ZBTB41: variants seen among roughly 807,000 people sequenced by gnomAD.
ZBTB41 encodes zinc finger and BTB domain containing 41.
A neutral mutation model predicts 87.6 loss-of-function variants in ZBTB41; 42 were observed. The observed-to-expected ratio is 0.48, with a 90% CI of 0.37 to 0.62. The LOEUF is 0.62. Among genes scored for constraint, ZBTB41 ranks in the 20% least tolerant of loss-of-function variants. The pLI is 0.00. For missense variants in ZBTB41, 799 were observed against 1,078.9 expected (o/e 0.74, Z 3.63); for synonymous variants, 364 against 364.0 (o/e 1.00, Z 0.00).
In ZBTB41 at chr1:197,200,576, C is replaced by A. The variant is rs969248569; in HGVS notation, c.-103G>T. 3.7e-5 allele frequency: 44 copies of A among 1,192,956 alleles called. No homozygotes were observed. In the East Asian group the frequency reaches 1.0e-3, roughly 28 times the overall value. The allele number at this position is 1,192,956 out of a possible 1,614,324, so 73.9% of individuals were successfully genotyped here. On this transcript the variant is annotated 5_prime_UTR_variant, in exon 2 of 11. Coordinates refer to ENST00000367405, the MANE Select transcript of ZBTB41 (RefSeq NM_194314.3). ...ATAACAGCTTCTGAAGGGGCGTGCC[C>A]AAGGGTTTCATGGTCTGCAAAAGAG...
intron 5 of ZBTB41, among the ~76,000 whole-genome samples, chr1:197,185,404 T>A (rs1455412658): frequency 2.0e-5 from 3 of 152,136 alleles, no homozygotes; most frequent in Non-Finnish European, 2.9e-5. Flanking sequence ...ACTCTCCACC[T>A]TGGCCATAAG....
At chr1:197,176,695 C>A (rs372105683) in intron 7 of ZBTB41, 25 bp from the exon 8 acceptor site, 4 of 1,500,402 alleles carry the variant, frequency 2.7e-6, no homozygotes, top group Non-Finnish European at 3.7e-6. Flanking sequence ...GAATTGAACA[C>A]CATTAAAACT....
chr1:197,167,493 C>A (rs1659377163), intron 10 of ZBTB41, among the ~76,000 whole-genome samples: 1 of 152,042 alleles, frequency 6.6e-6, no homozygotes, highest in Non-Finnish European at 1.5e-5. Context: ...GCCATCGCAC[C>A]AAGCATGAAC....
chr1:197,181,812 A>G (rs1209427205), intron 5 of ZBTB41, among the ~76,000 whole-genome samples: 4 of 152,204 alleles, frequency 2.6e-5, no homozygotes, highest in Non-Finnish European at 4.4e-5. Context: ...AAACGTAACT[A>G]TAAGCAAAAT....
At chr1:197,167,899 C>G (rs1254830021) in intron 10 of ZBTB41, among the ~76,000 whole-genome samples, 1 of 152,048 alleles carries the variant, frequency 6.6e-6, no homozygotes, top group Non-Finnish European at 1.5e-5. Context: ...ACCGAAGCAA[C>G]AAGGTTTACT....
At position 197,181,224 on chromosome 1, in the gene ZBTB41, T is replaced by A. The variant is rs559765658; in HGVS notation, c.1547-107A>T. The A allele has an allele frequency of 1.8e-4, 171 of 959,768 alleles. No homozygotes were observed. The African/African-American group carries it at 2.3e-3, about 13-fold the overall frequency. 59.5% of individuals were successfully genotyped at this position (959,768 alleles called of 1,614,324 possible). ...CATGCCTATCCTATTGGTGCATATG[T>A]CATAATACACTGCAATTTCTCTTCT... On this transcript the variant is annotated intron_variant, in intron 5 of 10. Transcript: ENST00000367405.
intron 3 of ZBTB41, among the ~76,000 whole-genome samples, chr1:197,191,382 A>G (rs917882663): frequency 4.0e-5 from 6 of 148,604 alleles, no homozygotes; most frequent in Non-Finnish European, 7.4e-5. Flanking sequence ...GATTGAACCC[A>G]GGAGTTAGAG....
rs1209655452 is a variant in ZBTB41, at chr1:197,156,576, A to G, written c.*2783T>C. Reference sequence around the variant, plus strand: ...CAAAATACTCTAAATCAAATATTACAAAAGGTCAACTGAAAAGAATAGGCC... The same window carrying G: ...CAAAATACTCTAAATCAAATATTACGAAAGGTCAACTGAAAAGAATAGGCC... On this transcript the variant is annotated 3_prime_UTR_variant, in exon 11 of 11. Transcript: ENST00000367405. 1 of 152,284 alleles carries G rather than the reference A, an allele frequency of 6.6e-6. No individual in the cohort carries two copies. Among genetic ancestry groups the G allele is most frequent in the Non-Finnish European group, 1.5e-5 (1 of 67,778 alleles). 9.4% of individuals were successfully genotyped at this position (152,284 alleles called of 1,614,324 possible).
At position 197,200,481 on chromosome 1, in the gene ZBTB41, C is replaced by A. The variant is rs1322292685; in HGVS notation, c.-8G>T. The A allele has an allele frequency of 6.4e-7, 1 of 1,556,562 alleles. No individual in the cohort carries two copies. On this transcript the variant is annotated 5_prime_UTR_variant, in exon 2 of 11. Transcript: ENST00000367405. ...CTTTCTCCTCTTCTTCATTGCAGTACAGCAATTTCAGAACAAGAAACTTCA... is the reference window on the plus strand; with the variant it reads ...CTTTCTCCTCTTCTTCATTGCAGTAAAGCAATTTCAGAACAAGAAACTTCA...
At chr1:197,195,944 C>T (rs1433604243) in intron 2 of ZBTB41, among the ~76,000 whole-genome samples, 1 of 152,148 alleles carries the variant, frequency 6.6e-6, no homozygotes, top group Non-Finnish European at 1.5e-5. Flanking sequence ...GGTCTCAAAG[C>T]TTATGCATCT....
At chr1:197,180,372 C>T (rs1183129728) in intron 6 of ZBTB41, among the ~76,000 whole-genome samples, 15 of 152,124 alleles carry the variant, frequency 9.9e-5, no homozygotes. Flanking sequence ...TTTCTCCGAA[C>T]ATAGCACTAT....
chr1:197,200,547 T>C lies in ZBTB41; in HGVS notation c.-74A>G. On this transcript the variant is annotated 5_prime_UTR_variant, in exon 2 of 11. Transcript: ENST00000367405. ...ATTTATAAAGGAAAACTAGATTGTC[T>C]TGGATAACAGCTTCTGAAGGGGCGT... is the stretch of plus-strand genomic sequence containing the variant. The C allele has an allele frequency of 3.5e-6, 5 of 1,433,394 alleles. No homozygotes were observed. The highest frequency in any genetic ancestry group is 4.6e-5 in the East Asian group (2 of 43,386). The allele number at this position is 1,433,394 out of a possible 1,614,324, so 88.8% of individuals were successfully genotyped here. A position where few individuals can be genotyped will look rare whatever the true frequency, so the allele number is the denominator to read the frequency against.
intron 3 of ZBTB41, among the ~76,000 whole-genome samples, chr1:197,191,072 G>T (rs1483920417): frequency 6.6e-6 from 1 of 151,834 alleles, no homozygotes; most frequent in Non-Finnish European, 1.5e-5. Flanking sequence ...CCAGATTTCA[G>T]TAAATTTAAT....
intron 3 of ZBTB41, 140 bp downstream of exon 3, chr1:197,191,552 C>A: frequency 2.4e-5 from 14 of 577,782 alleles, no homozygotes; most frequent in South Asian, 9.9e-5. Flanking sequence ...AGAAAGAAAA[C>A]AGGATAATCA....
In ZBTB41 at chr1:197,162,037, A is replaced by G. The variant is rs150326184; in HGVS notation, c.2075-2023T>C. 8.7e-3 allele frequency among the ~76,000 whole-genome samples: 1,330 copies of G among 152,274 alleles called. 15 individuals are homozygous for G. The highest frequency in any genetic ancestry group is 0.028 in the African/African-American group (1,175 of 41,560). On this transcript the variant is annotated intron_variant, in intron 10 of 10. Coordinates refer to ENST00000367405, the MANE Select transcript of ZBTB41 (RefSeq NM_194314.3). The stretch of plus-strand genomic sequence containing the variant: ...GTTTTTAAACTTAGAATAATCTTCA[A>G]TCAGTTCTGGTGTGTAACAAATACT...
intron 9 of ZBTB41, among the ~76,000 whole-genome samples, chr1:197,174,407 C>A (rs538272958): frequency 6.6e-6 from 1 of 151,948 alleles, no homozygotes; most frequent in Non-Finnish European, 1.5e-5. Flanking sequence ...TGGTTGGAGG[C>A]GTGTTAATCC....
rs909950390 is a variant in ZBTB41, at chr1:197,201,235, G to T, written c.-130C>A. Among the ~76,000 whole-genome samples the T allele has an allele frequency of 1.5e-4, 23 of 152,158 alleles. No homozygotes were observed. The highest frequency in any genetic ancestry group is 2.9e-4 in the Non-Finnish European group (20 of 68,036). On this transcript the variant is annotated 5_prime_UTR_variant, in exon 1 of 11. Coordinates refer to ENST00000367405, the MANE Select transcript of ZBTB41 (RefSeq NM_194314.3). The stretch of plus-strand genomic sequence containing the variant: ...ACAGATCCATTACCGGGAACCCAAG[G>T]CTCCCCCGCTGGCTCCCAGCAGCTG...
intron 9 of ZBTB41, among the ~76,000 whole-genome samples, chr1:197,173,688 GAAT>G (rs985687945): frequency 9.9e-5 from 15 of 152,086 alleles, no homozygotes; most frequent in Non-Finnish European, 1.8e-4. Context: ...TTGAGGTTGT[GAAT>G]AATAACCCTG....
rs779923191 is a variant in ZBTB41 at position 197,193,395 on chromosome 1, AC to A, written c.1121-1497del. 2.2e-4 allele frequency among the ~76,000 whole-genome samples: 33 copies of A among 150,586 alleles called. No homozygotes were observed. In the South Asian group the frequency reaches 2.3e-3, roughly 11 times the overall value. On this transcript the variant is annotated intron_variant, in intron 2 of 10. Transcript: ENST00000367405. Reference sequence around the variant, plus strand: ...CTACAAAAAAACAAACAAAAAAAAAACCAAAAAAACAAAAAAACCCAGCACA... The same window carrying A: ...CTACAAAAAAACAAACAAAAAAAAAACAAAAAAACAAAAAAACCCAGCACA...
Sources: gnomAD v4.1 joint callset for allele counts (sites outside exome capture counted in the v4.1 genomes callset) on GRCh38, gnomAD v4.1.1 for gene constraint, MANE v1.5 for transcripts, NCBI Gene and HGNC (gene_info 2026-07-23, HGNC 2026-07-21) for gene names.